The following ESR1 variants were observed in gnomAD, a reference collection of about 807,000 sequenced individuals.
ESR1 encodes the protein estrogen receptor 1, also known as estrogen receptor.
In ESR1, 12 loss-of-function variants were observed where a neutral mutation model predicts 52.7. The ratio of observed to expected loss-of-function variants is 0.23; its 90% CI spans 0.15 to 0.37. The LOEUF (loss-of-function observed/expected upper bound fraction) is 0.37, where lower values mean the gene tolerates loss of function less well. Ranked by LOEUF, ESR1 falls within the 10% of genes least tolerant of loss-of-function variation. ESR1 has a pLI of 1.00. For missense variants in ESR1, 584 were observed against 779.7 expected (o/e 0.75, Z 2.99); for synonymous variants, 305 against 316.8 (o/e 0.96, Z 0.39).
chr6:151,809,254 G>T (rs1453083334), intron 1 of ESR1: 2 of 413,784 alleles, frequency 4.8e-6, no homozygotes, highest in Non-Finnish European at 5.2e-6. Flanking sequence ...AGACCACTTT[G>T]TGACTTCAAT....
chr6:151,805,307 G>A (rs1436074887), upstream of ESR1: 4 of 152,102 alleles, frequency 2.6e-5, no homozygotes, highest in South Asian at 4.1e-4. Context: ...ATATTCTTTC[G>A]GAAAAACCAC....
chr6:151,998,621 T>A (rs1266152528), intron 4 of ESR1, among the ~76,000 whole-genome samples: 1 of 152,088 alleles, frequency 6.6e-6, no homozygotes, highest in Non-Finnish European at 1.5e-5. Flanking sequence ...AATTACATTT[T>A]CCTGAAAGCA....
At chr6:151,740,453 A>T (rs997652931) in intron 2 of ESR1, among the ~76,000 whole-genome samples, 1 of 151,038 alleles carries the variant, frequency 6.6e-6, no homozygotes, top group East Asian at 2.0e-4. Context: ...GTCTCTTCTG[A>T]TTGGGCTGTG....
intron 4 of ESR1, among the ~76,000 whole-genome samples, chr6:152,002,765 TA>T (rs1240616037): frequency 6.6e-6 from 1 of 151,886 alleles, no homozygotes; most frequent in African/African-American, 2.4e-5. Flanking sequence ...AGGAAAAAAA[TA>T]AAAAGAAGCT....
intron 7 of ESR1, chr6:152,096,555 T>C (rs2050625829): frequency 2.3e-6 from 1 of 442,444 alleles, no homozygotes; most frequent in Non-Finnish European, 4.6e-6. Context: ...AACAAAGAAA[T>C]GAGGGAATGA....
chr6:151,853,169 C>CAAAAAAAAAAAAAAAAAAAAAAAAAAAAA (rs386408969), intron 2 of ESR1, among the ~76,000 whole-genome samples: 1 of 42,880 alleles, frequency 2.3e-5, no homozygotes, highest in African/African-American at 9.6e-5. Flanking sequence ...AGACTCGTCT[C>CAAAAAAAAAAAAAAAAAAAAAAAAAAAAA]AAAAAAAAAA....
At chr6:151,750,737 G>A (rs1297580838) in intron 2 of ESR1, among the ~76,000 whole-genome samples, 3 of 152,150 alleles carry the variant, frequency 2.0e-5, no homozygotes, top group East Asian at 1.9e-4. Context: ...TGAAGATACG[G>A]GACTTGAGAA....
At chr6:152,014,267 G>C (rs1183466223) in intron 5 of ESR1, among the ~76,000 whole-genome samples, 3 of 151,808 alleles carry the variant, frequency 2.0e-5, no homozygotes, top group Admixed American at 6.6e-5. Context: ...GCTGTCTTGT[G>C]CATTTTAGGA....
In ESR1 at chr6:151,657,030, G is replaced by T. The variant is rs76989462; in HGVS notation, n.73+267G>T. On this transcript the variant is annotated intron_variant and non_coding_transcript_variant, in intron 1 of 2. Coordinates refer to the ESR1 transcript ENST00000473497. ...ATAATGACAATCTTTCCAGTTAGGA[G>T]AATTTTTGGACTGTAAAGTTAGCCA... 2.0e-5 allele frequency among the ~76,000 whole-genome samples: 3 copies of T among 152,260 alleles called. No individual in the cohort carries two copies. The East Asian group carries it at 5.8e-4, about 29-fold the overall frequency.
intron 7 of ESR1, among the ~76,000 whole-genome samples, chr6:152,096,956 C>T (rs1562783692): frequency 6.6e-6 from 1 of 152,136 alleles, no homozygotes; most frequent in Admixed American, 6.5e-5. Context: ...TTTTCAAATC[C>T]ATTAACTGCT....
intron 3 of ESR1, among the ~76,000 whole-genome samples, chr6:151,884,916 T>C (rs1315466665): frequency 6.6e-6 from 1 of 152,128 alleles, no homozygotes; most frequent in East Asian, 1.9e-4. Flanking sequence ...GGAAAATTCA[T>C]GTTCTAGCTT....
At chr6:151,834,802 G>A (rs929510281) in intron 1 of ESR1, among the ~76,000 whole-genome samples, 11 of 152,130 alleles carry the variant, frequency 7.2e-5, no homozygotes, top group African/African-American at 1.9e-4. Flanking sequence ...CGCTGAGACA[G>A]GGAGGTCCTG....
chr6:151,733,199 A>C (rs1014090161), intron 2 of ESR1, among the ~76,000 whole-genome samples: 15 of 152,204 alleles, frequency 9.9e-5, no homozygotes. Flanking sequence ...TGAGGCACTG[A>C]GGGGTGAAAT....
chr6:151,754,433 A>G (rs1784130848), intron 2 of ESR1, among the ~76,000 whole-genome samples: 1 of 152,072 alleles, frequency 6.6e-6, no homozygotes, highest in African/African-American at 2.4e-5. Context: ...AAATGATAAG[A>G]ATTTTTTCCT....
chr6:151,929,029 G>A (rs2033198634), intron 3 of ESR1, among the ~76,000 whole-genome samples: 1 of 152,146 alleles, frequency 6.6e-6, no homozygotes, highest in Admixed American at 6.5e-5. Flanking sequence ...TGTGTATTAA[G>A]TTGTGGTTTG....
rs117689150 is a variant in ESR1 at position 151,747,204 on chromosome 6, C to T, written c.-71+45199C>T. ...TGAAGATGTGATGGATAGAACATTT[C>T]GTACCCAGAAAGCTCTTAGATTGTG... On this transcript the variant is annotated intron_variant, in intron 2 of 2. Transcript: ENST00000404742. Among the ~76,000 whole-genome samples the T allele has an allele frequency of 1.3e-3, 204 of 152,266 alleles. 1 individual carries two copies. The highest frequency in any genetic ancestry group is 1.7e-3 in the Admixed American group (26 of 15,302).
At chr6:152,111,300 G>A (rs919090905) in intron 6 of ESR1, among the ~76,000 whole-genome samples, 3 of 152,226 alleles carry the variant, frequency 2.0e-5, no homozygotes, top group Admixed American at 6.5e-5. Context: ...AAGTGATTTC[G>A]AAAGTGGGTG....
At chr6:152,114,640 C>G (rs533561718) in intron 6 of ESR1, among the ~76,000 whole-genome samples, 1 of 151,892 alleles carries the variant, frequency 6.6e-6, no homozygotes, top group Non-Finnish European at 1.5e-5. Flanking sequence ...GCCTGTAATC[C>G]CAGCACTTTG....
intron 3 of ESR1, among the ~76,000 whole-genome samples, chr6:151,895,022 G>T (rs1248583463): frequency 1.3e-5 from 2 of 152,208 alleles, no homozygotes; most frequent in Admixed American, 6.5e-5. Context: ...CCATGAGCAT[G>T]AGATGTGTTT....
Sources: gnomAD v4.1 joint callset for allele counts (sites outside exome capture counted in the v4.1 genomes callset) on GRCh38, gnomAD v4.1.1 for gene constraint, MANE v1.5 for transcripts, NCBI Gene and HGNC (gene_info 2026-07-23, HGNC 2026-07-21) for gene names.